The following PAPOLG variants were observed in gnomAD, a reference collection of about 807,000 sequenced individuals.
The protein encoded by PAPOLG is poly(A) polymerase gamma, also known as PAP-gamma.
PAPOLG carries 40 observed loss-of-function variants against 99.0 expected under a neutral mutation model. The observed-to-expected ratio is 0.40, with a 90% CI of 0.31 to 0.53. The LOEUF (loss-of-function observed/expected upper bound fraction) is 0.53, where lower values mean the gene tolerates loss of function less well. PAPOLG is among the 20% of genes least tolerant of loss of function. PAPOLG has a pLI of 0.41. For synonymous variants in PAPOLG, 310 were observed against 299.3 expected, an observed-to-expected ratio of 1.04 and a Z score of -0.37; for missense variants, 675 against 884.1, an observed-to-expected ratio of 0.76 and a Z score of 3.00.
Position 60,756,503 on chromosome 2 carries a change from G to GT in PAPOLG, c.17+9dup. The GT allele has an allele frequency of 6.2e-7, 1 of 1,602,900 alleles. No homozygotes were observed. The highest frequency in any genetic ancestry group is 8.5e-7 in the Non-Finnish European group (1 of 1,175,358). On this transcript the variant is annotated intron_variant, in intron 1 of 21. Coordinates refer to ENST00000238714, the MANE Select transcript of PAPOLG (RefSeq NM_022894.4). ...GATGAAAGAGATGTCTGCGTAAGTGGTGGGGGGCGGCGGTTGGGGTGAGGC... is the reference window on the plus strand; with the variant it reads ...GATGAAAGAGATGTCTGCGTAAGTGGTTGGGGGGCGGCGGTTGGGGTGAGGC...
At chr2:60,765,226 G>A (rs1017273935) in intron 3 of PAPOLG, among the ~76,000 whole-genome samples, 9 of 147,560 alleles carry the variant, frequency 6.1e-5, no homozygotes, top group Non-Finnish European at 1.0e-4. Context: ...ACATCCTGAT[G>A]CCTAGCTACT....
At chr2:60,779,923 A>G (rs1671138571) in intron 9 of PAPOLG, 148 bp downstream of exon 9, 3 of 658,218 alleles carry the variant, frequency 4.6e-6, no homozygotes, top group Non-Finnish European at 7.3e-6. Flanking sequence ...CTTTGAGGCA[A>G]TGGTGGGACA....
At chr2:60,767,692 T>A (rs1445933305) in intron 3 of PAPOLG, among the ~76,000 whole-genome samples, 1 of 152,348 alleles carries the variant, frequency 6.6e-6, no homozygotes, top group East Asian at 1.9e-4. Flanking sequence ...ATGACTCCGT[T>A]CTTACAGAAA....
intron 13 of PAPOLG, among the ~76,000 whole-genome samples, chr2:60,783,835 T>C (rs1007605835): frequency 8.3e-6 from 1 of 120,680 alleles, no homozygotes; most frequent in African/African-American, 3.0e-5. Flanking sequence ...ATCAAATTAA[T>C]GTTTCAGAAT....
intron 8 of PAPOLG, among the ~76,000 whole-genome samples, chr2:60,778,272 G>C (rs10183870): frequency 0.19 from 29,573 of 151,986 alleles, 3,100 homozygotes; most frequent in Middle Eastern, 0.24. Context: ...CTAGCCTCCC[G>C]AGTAGCTAGA....
intron 9 of PAPOLG, among the ~76,000 whole-genome samples, chr2:60,780,451 T>C (rs568917111): frequency 7.9e-5 from 12 of 152,134 alleles, no homozygotes; most frequent in African/African-American, 2.4e-4. Context: ...AATTTTTGTG[T>C]TTTTAGTAGA....
intron 8 of PAPOLG, 120 bp from the exon 9 acceptor site, chr2:60,779,517 T>C (rs1467784579): frequency 6.0e-6 from 7 of 1,166,474 alleles, no homozygotes; most frequent in Non-Finnish European, 8.2e-6. Context: ...AACCGTCTTA[T>C]GAATAAAGTT....
chr2:60,764,131 G>A (rs1455545288), intron 3 of PAPOLG, among the ~76,000 whole-genome samples: 1 of 152,286 alleles, frequency 6.6e-6, no homozygotes, highest in South Asian at 2.1e-4. Context: ...TATTGTCTGA[G>A]AATCACCACT....
At chr2:60,775,585 A>G (rs914297696) in intron 8 of PAPOLG, among the ~76,000 whole-genome samples, 17 of 152,194 alleles carry the variant, frequency 1.1e-4, no homozygotes, top group Non-Finnish European at 1.8e-4. Context: ...TTATATATTT[A>G]GGTTCATAAA....
In PAPOLG at chr2:60,798,709, G is replaced by T. The variant is rs1671783970; in HGVS notation, c.*1549G>T. On this transcript the variant is annotated 3_prime_UTR_variant, in exon 22 of 22. Coordinates refer to ENST00000238714, the MANE Select transcript of PAPOLG (RefSeq NM_022894.4). ...CCATCTAGCAAGTGGAGAAATAGCA[G>T]TCCATTTTCTCTTGCAAGCCCTTTA... The T allele has an allele frequency of 6.6e-6, 1 of 152,292 alleles. No homozygotes were observed. Among genetic ancestry groups the T allele is most frequent in the Non-Finnish European group, 1.5e-5 (1 of 68,034 alleles). 9.4% of individuals were successfully genotyped at this position (152,292 alleles called of 1,614,324 possible). A position where few individuals can be genotyped will look rare whatever the true frequency, so the allele number is the denominator to read the frequency against.
intron 10 of PAPOLG, among the ~76,000 whole-genome samples, chr2:60,781,600 A>G (rs148196333): frequency 6.6e-6 from 1 of 152,318 alleles, no homozygotes; most frequent in Non-Finnish European, 1.5e-5. Context: ...TTGTAGTTAT[A>G]ATACTGTATT....
chr2:60,758,816 A>C (rs1199952786), intron 1 of PAPOLG, among the ~76,000 whole-genome samples: 1 of 152,188 alleles, frequency 6.6e-6, no homozygotes, highest in East Asian at 1.9e-4. Context: ...AGAATCCAAA[A>C]ACAATTAAAC....
intron 7 of PAPOLG, among the ~76,000 whole-genome samples, chr2:60,772,437 A>G (rs1670880856): frequency 7.3e-6 from 1 of 137,350 alleles, no homozygotes; most frequent in African/African-American, 2.7e-5. Flanking sequence ...ACAGAGTGAG[A>G]CCCTGTCTCA....
At chr2:60,776,530 T>C (rs1050800503) in intron 8 of PAPOLG, among the ~76,000 whole-genome samples, 1 of 148,424 alleles carries the variant, frequency 6.7e-6, no homozygotes, top group East Asian at 2.0e-4. Context: ...TGGGTTCAAG[T>C]GATTCTCCTG....
chr2:60,763,081 AT>A (rs1221738427), intron 3 of PAPOLG, among the ~76,000 whole-genome samples: 13 of 135,886 alleles, frequency 9.6e-5, no homozygotes, highest in Non-Finnish European at 8.0e-5. Context: ...ATTTTATTTT[AT>A]TTTTTTTTTA....
At position 60,798,368 on chromosome 2, in the gene PAPOLG, T is replaced by C. The variant is rs1400152035; in HGVS notation, c.*1208T>C. 2.0e-5 allele frequency: 3 copies of C among 152,808 alleles called. No homozygotes were observed. Among genetic ancestry groups the C allele is most frequent in the African/African-American group, 7.2e-5 (3 of 41,468 alleles). The allele number at this position is 152,808 out of a possible 1,614,324, so 9.5% of individuals were successfully genotyped here. On this transcript the variant is annotated 3_prime_UTR_variant, in exon 22 of 22. Transcript: ENST00000238714. ...CCATAACCATGTAATTCTTGTAATA[T>C]GTTGATTCAGTGTTTTGTAAATGAA... is the stretch of plus-strand genomic sequence containing the variant.
chr2:60,780,997 T>C (rs1023074925), intron 10 of PAPOLG, among the ~76,000 whole-genome samples: 11 of 151,866 alleles, frequency 7.2e-5, no homozygotes, highest in Non-Finnish European at 8.8e-5. Flanking sequence ...AAATCGCCCA[T>C]GTAAGATGAG....
chr2:60,756,931 C>T (rs1388926104), intron 1 of PAPOLG, among the ~76,000 whole-genome samples: 3 of 151,964 alleles, frequency 2.0e-5, no homozygotes, highest in African/African-American at 7.3e-5. Context: ...CCTATCGCAG[C>T]CCAAGGGTTT....
intron 13 of PAPOLG, 132 bp downstream of exon 13, chr2:60,783,341 T>TTTTTG: frequency 8.2e-6 from 4 of 485,672 alleles, no homozygotes; most frequent in Non-Finnish European, 1.3e-5. Context: ...TTTTTTTTTT[T>TTTTTG]TTTGAGACAA....
Sources: gnomAD v4.1 joint callset for allele counts (sites outside exome capture counted in the v4.1 genomes callset) on GRCh38, gnomAD v4.1.1 for gene constraint, MANE v1.5 for transcripts, NCBI Gene and HGNC (gene_info 2026-07-23, HGNC 2026-07-21) for gene names.